Variants in TBCD observed in about 807,000 individuals in gnomAD.
TBCD encodes tubulin folding cofactor D.
A neutral mutation model predicts 169.3 loss-of-function variants in TBCD; 105 were observed. The ratio of observed to expected loss-of-function variants is 0.62; its 90% CI spans 0.53 to 0.73. TBCD has a LOEUF of 0.73. Among genes scored for constraint, TBCD ranks in the 30% least tolerant of loss-of-function variants. The pLI is 0.00. For missense variants in TBCD, 1,444 were observed against 1,600.1 expected (o/e 0.90, Z 1.66); for synonymous variants, 700 against 643.9 (o/e 1.09, Z -1.32).
intron 12 of TBCD, among the ~76,000 whole-genome samples, chr17:82,811,882 T>C (rs1320937338): frequency 1.3e-5 from 2 of 152,110 alleles, no homozygotes; most frequent in African/African-American, 4.8e-5. Flanking sequence ...GAAAGGGCAT[T>C]AATTATATTA....
At chr17:82,935,073 A>ATTT (rs71168173) in intron 34 of TBCD, among the ~76,000 whole-genome samples, 37 of 151,206 alleles carry the variant, frequency 2.4e-4, no homozygotes, top group African/African-American at 7.8e-4. Context: ...CAAAAAAAAA[A>ATTT]TTTTTTTTCC....
chr17:82,824,049 CTTATT>C (rs148264300), intron 13 of TBCD, among the ~76,000 whole-genome samples: 16,382 of 151,910 alleles, frequency 0.11, 1,173 homozygotes, highest in South Asian at 0.29. Context: ...TCATGTCTGG[CTTATT>C]TTATTTAGCA....
At chr17:82,781,349 A>G (rs2144288357) in intron 6 of TBCD, among the ~76,000 whole-genome samples, 1 of 150,390 alleles carries the variant, frequency 6.6e-6, no homozygotes, top group Non-Finnish European at 1.5e-5. Flanking sequence ...CTGCGACCTG[A>G]GAGGTTGTGG....
At position 82,890,146 on chromosome 17, in the gene TBCD, G is replaced by A. The variant is rs2059029965; in HGVS notation, c.1563+449G>A. The stretch of plus-strand genomic sequence containing the variant: ...CCATGACCCCACGACCCCACATCAT[G>A]CTGGGGCTGCTTTTGCTGTGCCCTC... On this transcript the variant is annotated intron_variant, in intron 16 of 38. Coordinates refer to ENST00000355528, the MANE Select transcript of TBCD (RefSeq NM_005993.5). This position sits in a 1 kb window ranked among gnomAD's most constrained non-coding sequence, Gnocchi z 5.3. Among the ~76,000 whole-genome samples the A allele has an allele frequency of 6.6e-6, 1 of 152,234 alleles. No homozygotes were observed. The highest frequency in any genetic ancestry group is 1.5e-5 in the Non-Finnish European group (1 of 68,034).
At chr17:82,931,133 T>C (rs1354740904) in intron 33 of TBCD, among the ~76,000 whole-genome samples, 1 of 152,322 alleles carries the variant, frequency 6.6e-6, no homozygotes, top group East Asian at 1.9e-4. Flanking sequence ...GACCTCAGAA[T>C]TGGGAACATC....
At chr17:82,843,032 G>A (rs533061473) in intron 13 of TBCD, among the ~76,000 whole-genome samples, 18 of 151,968 alleles carry the variant, frequency 1.2e-4, no homozygotes, top group Non-Finnish European at 2.1e-4. Flanking sequence ...CGCCCGCCTC[G>A]GCCTCCCAAA....
rs115238336 is a variant in TBCD at position 82,775,198 on chromosome 17, C to T, written c.638+2691C>T. Among the ~76,000 whole-genome samples, 1,521 of 152,338 alleles carry T rather than the reference C, an allele frequency of 1.0e-2. 21 individuals carry two copies. Among genetic ancestry groups the T allele is most frequent in the African/African-American group, 0.035 (1,446 of 41,566 alleles). Reference sequence around the variant, plus strand: ...GGTGCTTTTCGGCCGAGCCAGTTTCCGTGCAGAACACCTGAGCCTGGGATC... The same window carrying T: ...GGTGCTTTTCGGCCGAGCCAGTTTCTGTGCAGAACACCTGAGCCTGGGATC... On this transcript the variant is annotated intron_variant, in intron 6 of 38. Coordinates refer to ENST00000355528, the MANE Select transcript of TBCD (RefSeq NM_005993.5).
intron 13 of TBCD, among the ~76,000 whole-genome samples, chr17:82,850,465 CTGT>C (rs1371564775): frequency 2.2e-5 from 3 of 136,330 alleles, no homozygotes; most frequent in African/African-American, 9.1e-5. Context: ...GTTGGCTGTG[CTGT>C]TGTTGGCTGT....
intron 13 of TBCD, among the ~76,000 whole-genome samples, chr17:82,827,585 A>G (rs2052973968): frequency 6.6e-6 from 1 of 152,162 alleles, no homozygotes; most frequent in Admixed American, 6.5e-5. Flanking sequence ...GCACGCTCAC[A>G]CACATGCACG....
At chr17:82,773,732 T>C (rs538842582) in intron 6 of TBCD, among the ~76,000 whole-genome samples, 9 of 151,142 alleles carry the variant, frequency 6.0e-5, no homozygotes, top group Non-Finnish European at 1.0e-4. Context: ...TTCTTTCTTT[T>C]TTTTTTTTAA....
Position 82,800,856 on chromosome 17 carries a change from G to A in TBCD, c.818-8G>A, listed in dbSNP as rs1178467487. 3 of 1,611,734 alleles carry A rather than the reference G, an allele frequency of 1.9e-6. No homozygotes were observed. The highest frequency in any genetic ancestry group is 1.1e-5 in the South Asian group (1 of 90,940). On this transcript the variant is annotated splice_region_variant and splice_polypyrimidine_tract_variant and intron_variant, in intron 8 of 38. Transcript: ENST00000355528. ...CCTTCCTGCGCTGAGTCCAGTTCTT[G>A]TTTGCAGCTGCCACTGTCCTCAGGT... is the stretch of plus-strand genomic sequence containing the variant.
intron 2 of TBCD, among the ~76,000 whole-genome samples, chr17:82,763,435 G>C (rs886928499): frequency 7.2e-5 from 11 of 151,962 alleles, no homozygotes; most frequent in African/African-American, 2.7e-4. Context: ...GTTTGTTTTT[G>C]TTTTTTAAGA....
chr17:82,875,049 C>T (rs998748430), intron 14 of TBCD, among the ~76,000 whole-genome samples: 5 of 152,110 alleles, frequency 3.3e-5, no homozygotes, highest in East Asian at 1.9e-4. Context: ...AGAGTCAGTT[C>T]GGGGGTTTAG....
chr17:82,847,403 G>A (rs2055240199), intron 13 of TBCD, among the ~76,000 whole-genome samples: 1 of 151,552 alleles, frequency 6.6e-6, no homozygotes, highest in African/African-American at 2.4e-5. Context: ...GAACATCAGT[G>A]GGGTTTTACT....
intron 13 of TBCD, chr17:82,830,277 C>G (rs940186709): frequency 1.2e-6 from 2 of 1,614,144 alleles, no homozygotes; most frequent in Admixed American, 1.7e-5. Flanking sequence ...TGAGGTCACA[C>G]TGGGCCTCTT....
intron 13 of TBCD, among the ~76,000 whole-genome samples, chr17:82,846,818 G>A (rs2145570476): frequency 6.6e-6 from 1 of 152,344 alleles, no homozygotes; most frequent in South Asian, 2.1e-4. Context: ...CAGCTGAGAA[G>A]GGGCGCCTCC....
intron 13 of TBCD, among the ~76,000 whole-genome samples, chr17:82,836,987 T>C (rs968734087): frequency 5.3e-5 from 8 of 152,188 alleles, no homozygotes; most frequent in Middle Eastern, 3.2e-3. Context: ...GGTGTCGATA[T>C]GGAGTCTCGG....
rs770264615 is a variant in TBCD at position 82,929,142 on chromosome 17, A to G, written c.2723A>G (p.Gln908Arg). The change falls in exon 31 of 39, where the codon CAG becomes CGG. Residue 908 changes from glutamine to arginine, a missense_variant. Transcript: ENST00000355528. The part of the protein sequence containing the change: ...TCERIMCCVA[Q>R]QASEKIDRFR... The stretch of plus-strand genomic sequence containing the variant: ...GAGCGCATCATGTGCTGTGTGGCCC[A>G]GCAGGCCAGTGAGAAGATTGACCGT... The G allele has an allele frequency of 1.2e-5, 20 of 1,612,688 alleles. No homozygotes were observed. In the Admixed American group the frequency reaches 2.2e-4, roughly 17 times the overall value.
chr17:82,766,240 A>G (rs1423558864), intron 3 of TBCD, 27 bp from the exon 4 acceptor site: 3 of 1,570,030 alleles, frequency 1.9e-6, no homozygotes, highest in East Asian at 2.3e-5. Context: ...TTTAAATGTT[A>G]TAATTCAGCA....
Sources: allele counts gnomAD v4.1 joint callset (sites outside exome capture counted in the v4.1 genomes callset), GRCh38; gene constraint gnomAD v4.1.1; non-coding constraint Gnocchi (gnomAD v3.1); transcripts MANE v1.5; gene names NCBI Gene and HGNC (gene_info 2026-07-23, HGNC 2026-07-21).